Variants in TMCO5A observed in about 807,000 individuals in gnomAD.
TMCO5A encodes transmembrane and coiled-coil domain-containing protein 5A.
A neutral mutation model predicts 42.3 loss-of-function variants in TMCO5A; 34 were observed. The ratio of observed to expected loss-of-function variants is 0.80; its 90% CI spans 0.61 to 1.07. The LOEUF (loss-of-function observed/expected upper bound fraction) is 1.07, where lower values mean the gene tolerates loss of function less well. TMCO5A is among the 50% of genes least tolerant of loss of function. The probability of loss-of-function intolerance (pLI) is 0.00; values close to 1 mark genes in which losing one functional copy is unlikely to be tolerated. For missense variants in TMCO5A, 357 were observed against 327.9 expected (o/e 1.09, Z -0.69); for synonymous variants, 131 against 115.6 (o/e 1.13, Z -0.86).
chr15:37,937,890 T>C (rs924781603), intron 5 of TMCO5A, among the ~76,000 whole-genome samples: 1 of 152,078 alleles, frequency 6.6e-6, no homozygotes, highest in African/African-American at 2.4e-5. Flanking sequence ...CCTTCTACTG[T>C]AGGGGGCTGT....
the TMCO5A span, among the ~76,000 whole-genome samples, chr15:38,007,293 T>C: frequency 6.6e-6 from 1 of 152,162 alleles, no homozygotes; most frequent in Non-Finnish European, 1.5e-5. Flanking sequence ...AAATACACTA[T>C]AAGGTCCCTT....
At chr15:38,005,044 C>G in the TMCO5A span, among the ~76,000 whole-genome samples, 3 of 152,060 alleles carry the variant, frequency 2.0e-5, no homozygotes, top group Non-Finnish European at 2.9e-5. Flanking sequence ...CAGCTATTAA[C>G]AGAGTACAGG....
chr15:37,943,105 T>G (rs775507742), intron 9 of TMCO5A: 12 of 370,618 alleles, frequency 3.2e-5, no homozygotes, highest in Non-Finnish European at 4.9e-5. Context: ...CAGTAGAATT[T>G]TCTGTGCTAG....
intron 6 of TMCO5A, among the ~76,000 whole-genome samples, 199 bp downstream of exon 6, chr15:37,938,428 C>T (rs1056791052): frequency 1.3e-5 from 2 of 152,030 alleles, no homozygotes; most frequent in Non-Finnish European, 2.9e-5. Context: ...ATTTATTGTT[C>T]TCTCTTCTGT....
chr15:37,995,717 G>T, the TMCO5A span, among the ~76,000 whole-genome samples: 1 of 152,066 alleles, frequency 6.6e-6, no homozygotes, highest in Non-Finnish European at 1.5e-5. Context: ...TATATGGCAC[G>T]GCTGCAAAAA....
the TMCO5A span, among the ~76,000 whole-genome samples, chr15:38,019,009 A>C: frequency 6.6e-6 from 1 of 152,184 alleles, no homozygotes; most frequent in Admixed American, 6.5e-5. Context: ...GGAGGTAAAG[A>C]ATATTTTCAG....
exon 12 of TMCO5A, chr15:37,966,773 A>G (rs987461349): frequency 3.9e-5 from 27 of 694,924 alleles, no homozygotes; most frequent in Admixed American, 6.1e-5. Flanking sequence ...TCTGAGGTCA[A>G]TTGCCTACCC....
the TMCO5A span, chr15:38,004,969 A>G: frequency 6.6e-6 from 1 of 152,268 alleles, no homozygotes; most frequent in Admixed American, 6.5e-5. Context: ...TCTGTTGAAG[A>G]GTAAAAAGAT....
At chr15:38,033,180 G>A in the TMCO5A span, among the ~76,000 whole-genome samples, 2 of 151,834 alleles carry the variant, frequency 1.3e-5, no homozygotes, top group African/African-American at 2.4e-5. Context: ...CACCCGCCTC[G>A]GCCTCCGAAA....
At chr15:37,985,955 A>G in the TMCO5A span, among the ~76,000 whole-genome samples, 11 of 152,154 alleles carry the variant, frequency 7.2e-5, no homozygotes, top group African/African-American at 2.4e-4. Context: ...TCAAGAAATA[A>G]ATGGTCCAGT....
the TMCO5A span, among the ~76,000 whole-genome samples, chr15:37,980,559 TTTATTCGCC>T: frequency 3.0e-4 from 46 of 150,840 alleles, no homozygotes; most frequent in Admixed American, 6.7e-4. Flanking sequence ...AGAGCTAATG[TTTATTCGCC>T]TTATTCGCCA....
the TMCO5A span, among the ~76,000 whole-genome samples, chr15:37,977,158 T>C: frequency 1.4e-4 from 22 of 152,324 alleles, no homozygotes; most frequent in South Asian, 3.9e-3. Context: ...GGGTTTCAAC[T>C]TTCTCCTGAA....
intron 11 of TMCO5A, among the ~76,000 whole-genome samples, chr15:37,966,279 C>T (rs1420049730): frequency 2.7e-5 from 4 of 150,792 alleles, no homozygotes; most frequent in Non-Finnish European, 4.4e-5. Flanking sequence ...GGTGAGAATG[C>T]TTAGTGGTTT....
At chr15:37,966,536 G>T in intron 11 of TMCO5A, 1 of 700,568 alleles carries the variant, frequency 1.4e-6, no homozygotes, top group Non-Finnish European at 2.6e-6. Flanking sequence ...TTTTCAGTGC[G>T]TGAATAGACT....
In TMCO5A at chr15:37,942,273, A is replaced by C; in HGVS notation, c.569+18A>C. On this transcript the variant is annotated intron_variant, in intron 9 of 11. Coordinates refer to ENST00000319669, the MANE Select transcript of TMCO5A (RefSeq NM_152453.4). The stretch of plus-strand genomic sequence containing the variant: ...AGAGAAGTGTGAGCTTTGGCAAAGG[A>C]ACATCCTGGTTTTGGTAGAAACTCC... The C allele has an allele frequency of 1.2e-6, 2 of 1,610,908 alleles. No homozygotes were observed. Among genetic ancestry groups the C allele is most frequent in the Non-Finnish European group, 1.7e-6 (2 of 1,178,256 alleles).
At chr15:37,956,358 T>C (rs936047549), downstream of TMCO5A, among the ~76,000 whole-genome samples, 1 of 151,884 alleles carries the variant, frequency 6.6e-6, no homozygotes, top group Non-Finnish European at 1.5e-5. Context: ...GCCAGACTAA[T>C]AAAGAAGAAA....
downstream of TMCO5A, among the ~76,000 whole-genome samples, chr15:37,970,032 T>C (rs928357042): frequency 3.3e-5 from 5 of 152,258 alleles, no homozygotes; most frequent in Admixed American, 6.5e-5. Context: ...CCTTTGGGTA[T>C]ACACCCAATC....
chr15:38,030,049 G>A, the TMCO5A span, among the ~76,000 whole-genome samples: 1 of 152,136 alleles, frequency 6.6e-6, no homozygotes, highest in African/African-American at 2.4e-5. Context: ...TAAGTCTGAG[G>A]AAATGTTTAA....
At chr15:37,936,101 A>C (rs1242259119) in intron 2 of TMCO5A, 2 of 424,008 alleles carry the variant, frequency 4.7e-6, no homozygotes, top group Non-Finnish European at 8.0e-6. Context: ...TTGGAGGAGA[A>C]AGCCTGGGAA....
Sources: allele counts gnomAD v4.1 joint callset (sites outside exome capture counted in the v4.1 genomes callset), GRCh38; gene constraint gnomAD v4.1.1; transcripts MANE v1.5; gene names NCBI Gene and HGNC (gene_info 2026-07-23, HGNC 2026-07-21).